The following KDM3B variants were observed in gnomAD, a reference collection of about 807,000 sequenced individuals.
KDM3B encodes the protein lysine demethylase 3B.
In KDM3B, 10 loss-of-function variants were observed where a neutral mutation model predicts 170.0. The ratio of observed to expected loss-of-function variants is 0.06; its 90% CI spans 0.04 to 0.10. The LOEUF (loss-of-function observed/expected upper bound fraction) is 0.10, where lower values mean the gene tolerates loss of function less well. Ranked by LOEUF, KDM3B falls within the 10% of genes least tolerant of loss-of-function variation. The probability of loss-of-function intolerance (pLI) is 1.00; values close to 1 mark genes in which losing one functional copy is unlikely to be tolerated. For synonymous variants in KDM3B, 831 were observed against 834.8 expected, an observed-to-expected ratio of 1.00 and a Z score of 0.08; for missense variants, 1,394 against 2,195.2, an observed-to-expected ratio of 0.64 and a Z score of 7.29.
chr5:138,379,142 G>A (rs1191592703), intron 4 of KDM3B, among the ~76,000 whole-genome samples: 2 of 152,060 alleles, frequency 1.3e-5, no homozygotes, highest in African/African-American at 4.8e-5. Context: ...AATGTAAATG[G>A]TCATATATAA....
intron 11 of KDM3B, among the ~76,000 whole-genome samples, chr5:138,403,761 G>A (rs1474811832): frequency 6.6e-6 from 1 of 151,364 alleles, no homozygotes; most frequent in African/African-American, 2.4e-5. Context: ...GGGAGGCTGA[G>A]GCAGGAGGAT....
intron 19 of KDM3B, 37 bp downstream of exon 19, chr5:138,427,356 C>T (rs567217361): frequency 6.3e-7 from 1 of 1,588,180 alleles, no homozygotes; most frequent in South Asian, 1.1e-5. Context: ...TTTTGGGGGA[C>T]TGTTGTTCTT....
Position 138,375,468 on chromosome 5 carries a change from C to T in KDM3B, c.474+262C>T, listed in dbSNP as rs897395995. On this transcript the variant is annotated intron_variant, in intron 3 of 23. Transcript: ENST00000314358. ...TCTCAACTCACTGCAACCTCCGCCT[C>T]CCCGGTTCACTCCATTCTCCTGCCT... Among the ~76,000 whole-genome samples, 6 of 152,142 alleles carry T rather than the reference C, an allele frequency of 3.9e-5. No individual in the cohort carries two copies. The East Asian group carries it at 9.7e-4, about 24-fold the overall frequency.
At chr5:138,428,671 A>G (rs1419442300) in intron 20 of KDM3B, among the ~76,000 whole-genome samples, 1 of 152,046 alleles carries the variant, frequency 6.6e-6, no homozygotes, top group African/African-American at 2.4e-5. Context: ...TAGAAATGCT[A>G]CCCTTTTCCA....
chr5:138,375,714 T>C (rs1761981344), intron 3 of KDM3B, among the ~76,000 whole-genome samples: 1 of 151,872 alleles, frequency 6.6e-6, no homozygotes, highest in African/African-American at 2.4e-5. Flanking sequence ...TTTGCTCTTG[T>C]TGCCCAGGCT....
chr5:138,354,629 G>A (rs1459984295), intron 1 of KDM3B, among the ~76,000 whole-genome samples: 1 of 152,136 alleles, frequency 6.6e-6, no homozygotes, highest in African/African-American at 2.4e-5. Flanking sequence ...AAGGGCAGAG[G>A]ATTTTGGAGC....
chr5:138,392,156 A>G lies in KDM3B; in HGVS notation c.2524A>G (p.Met842Val). 1.9e-6 allele frequency: 3 copies of G among 1,580,458 alleles called. No homozygotes were observed. The highest frequency in any genetic ancestry group is 8.6e-7 in the Non-Finnish European group (1 of 1,156,978). The part of the protein sequence containing the change: ...TGLKGIPEHL[M>V]GKLGPNGERS... ...CCTGAAGGGAATTCCAGAGCACCTG[A>G]TGGGGAAGCTGGGCCCCAATGGGGA... The change falls in exon 8 of 24, where the codon ATG becomes GTG. Residue 842 changes from methionine to valine, a missense_variant. Met to Val is a conservative substitution (Grantham distance 21). This residue lies in a region of KDM3B where 84 missense variants were observed against 135.8 expected (regional missense o/e 0.62). Coordinates refer to ENST00000314358, the MANE Select transcript of KDM3B (RefSeq NM_016604.4).
chr5:138,435,911 T>G lies in KDM3B; in HGVS notation c.*211T>G. 1.8e-6 allele frequency: 1 copy of G among 543,964 alleles called. No individual in the cohort carries two copies. The highest frequency in any genetic ancestry group is 3.3e-6 in the Non-Finnish European group (1 of 304,920). The allele number at this position is 543,964 out of a possible 1,614,324, so 33.7% of individuals were successfully genotyped here. A position where few individuals can be genotyped will look rare whatever the true frequency, so the allele number is the denominator to read the frequency against. ...ACTGTTCACACACACAGTTTGAGAC[T>G]CCAAGCCAAGAGTGCCACATCCCTA... is the stretch of plus-strand genomic sequence containing the variant. On this transcript the variant is annotated 3_prime_UTR_variant, in exon 24 of 24. Coordinates refer to ENST00000314358, the MANE Select transcript of KDM3B (RefSeq NM_016604.4).
At chr5:138,357,234 C>T (rs1406087279) in intron 1 of KDM3B, among the ~76,000 whole-genome samples, 3 of 151,856 alleles carry the variant, frequency 2.0e-5, no homozygotes, top group Admixed American at 6.6e-5. Context: ...CAGTTGCCTG[C>T]CTCAGCCTCC....
At chr5:138,381,977 C>A (rs201678858) in intron 6 of KDM3B, among the ~76,000 whole-genome samples, 1 of 148,664 alleles carries the variant, frequency 6.7e-6, no homozygotes, top group African/African-American at 2.5e-5. Context: ...TTTTTTTTTC[C>A]ATTCGGTGGC....
In KDM3B at chr5:138,425,225, G is replaced by T. The variant is rs189860871; in HGVS notation, c.4240-186G>T. 2.0e-5 allele frequency among the ~76,000 whole-genome samples: 3 copies of T among 152,352 alleles called. No individual in the cohort carries two copies. The East Asian group carries it at 5.8e-4, about 29-fold the overall frequency. On this transcript the variant is annotated intron_variant, in intron 16 of 23. Coordinates refer to ENST00000314358, the MANE Select transcript of KDM3B (RefSeq NM_016604.4). ...AGGGTGAGAATGAAGCATAACAATG[G>T]AGTAGAAGCATTTCCTTTCACTTTA...
Position 138,435,697 on chromosome 5 carries a change from C to G in KDM3B, c.5283C>G (p.Ser1761=), listed in dbSNP as rs755073687. The change falls in exon 24 of 24, where the codon TCC becomes TCG. Residue 1761 remains serine (S), a synonymous_variant. Coordinates refer to ENST00000314358, the MANE Select transcript of KDM3B (RefSeq NM_016604.4). ...LKAHESKLAR[S] is the part of the protein sequence containing the mutation. Reference sequence around the variant, plus strand: ...CTCATGAATCCAAACTGGCAAGGTCCTAGGCATGGAGAAACTCCAAGCTCC... The same window carrying G: ...CTCATGAATCCAAACTGGCAAGGTCGTAGGCATGGAGAAACTCCAAGCTCC... The G allele has an allele frequency of 1.3e-5, 21 of 1,612,084 alleles. No individual in the cohort carries two copies. The highest frequency in any genetic ancestry group is 1.0e-4 in the Admixed American group (6 of 59,854).
intron 15 of KDM3B, among the ~76,000 whole-genome samples, chr5:138,421,940 C>T (rs183139969): frequency 6.7e-4 from 102 of 152,288 alleles, no homozygotes; most frequent in Admixed American, 1.3e-3. Context: ...GTTCCAGCCA[C>T]ACCCACCTTC....
chr5:138,385,452 C>CA (rs1762233904), intron 6 of KDM3B, among the ~76,000 whole-genome samples: 1 of 152,188 alleles, frequency 6.6e-6, no homozygotes, highest in Non-Finnish European at 1.5e-5. Context: ...AGGATGGTCT[C>CA]AATCTCCTGA....
Position 138,374,999 on chromosome 5 carries a change from TATA to T in KDM3B, c.361-88_361-86del, listed in dbSNP as rs968136137. 11 of 746,250 alleles carry T rather than the reference TATA, an allele frequency of 1.5e-5. No homozygotes were observed. In the African/African-American group the frequency reaches 1.9e-4, roughly 13 times the overall value. 46.2% of individuals were successfully genotyped at this position (746,250 alleles called of 1,614,324 possible). A position where few individuals can be genotyped will look rare whatever the true frequency, so the allele number is the denominator to read the frequency against. ...TATCTGTATTTACTGGGATGAAAGA[TATA>T]ATAATTATTTCTTTGAAGTTAGAGA... On this transcript the variant is annotated intron_variant, in intron 2 of 23. Coordinates refer to ENST00000314358, the MANE Select transcript of KDM3B (RefSeq NM_016604.4).
Position 138,411,133 on chromosome 5 carries a change from G to A in KDM3B, c.3200-3999G>A, listed in dbSNP as rs187119925. 1.8e-3 allele frequency among the ~76,000 whole-genome samples: 268 copies of A among 151,994 alleles called. 2 individuals are homozygous for A. Among genetic ancestry groups the A allele is most frequent in the African/African-American group, 6.1e-3 (254 of 41,456 alleles). ...CGGGTGTTGTTCCTTGACACTTTTC[G>A]CTACTGCTAGACCACGGTCCACCTG... On this transcript the variant is annotated intron_variant, in intron 11 of 23. Transcript: ENST00000314358.
chr5:138,423,106 G>A (rs35486585), intron 15 of KDM3B, among the ~76,000 whole-genome samples: 11,129 of 152,238 alleles, frequency 0.073, 540 homozygotes, highest in South Asian at 0.14. Context: ...ACCACACTGG[G>A]ATAATTTTTG....
chr5:138,371,040 C>A (rs1005244210), intron 1 of KDM3B, among the ~76,000 whole-genome samples: 1 of 152,102 alleles, frequency 6.6e-6, no homozygotes, highest in African/African-American at 2.4e-5. Context: ...AACTCCTGAC[C>A]TTGTGATCCA....
chr5:138,362,855 A>T lies in KDM3B; in HGVS notation c.193-9819A>T, dbSNP rs542026093. On this transcript the variant is annotated intron_variant, in intron 1 of 23. Transcript: ENST00000314358. ...CTGCACCCATTAACTCATTTACATTAGGTATATCTCCTAATGCTATCCCTC... is the reference window on the plus strand; with the variant it reads ...CTGCACCCATTAACTCATTTACATTTGGTATATCTCCTAATGCTATCCCTC... 2.7e-5 allele frequency among the ~76,000 whole-genome samples: 4 copies of T among 149,876 alleles called. No homozygotes were observed. In the East Asian group the frequency reaches 7.8e-4, roughly 29 times the overall value.
Sources: allele counts gnomAD v4.1 joint callset (sites outside exome capture counted in the v4.1 genomes callset), GRCh38; gene constraint gnomAD v4.1.1; regional missense constraint gnomAD v4.1.1; transcripts MANE v1.5; gene names NCBI Gene and HGNC (gene_info 2026-07-23, HGNC 2026-07-21).